The following GPN1 variants were observed in gnomAD, a reference collection of about 807,000 sequenced individuals.
The protein encoded by GPN1 is ATP(GTP)-binding protein.
A neutral mutation model predicts 55.9 loss-of-function variants in GPN1; 44 were observed. That is an observed-to-expected ratio of 0.79 (90% CI 0.62 to 1.01). GPN1 has a LOEUF of 1.01. Among genes scored for constraint, GPN1 ranks in the 50% least tolerant of loss-of-function variants. GPN1 has a pLI of 0.00. For missense variants in GPN1, 466 were observed against 462.8 expected, an observed-to-expected ratio of 1.01 and a Z score of -0.06; for synonymous variants, 179 against 162.5, an observed-to-expected ratio of 1.10 and a Z score of -0.77.
intron 5 of GPN1, among the ~76,000 whole-genome samples, chr2:27,633,574 C>T (rs911081435): frequency 6.6e-6 from 1 of 152,156 alleles, no homozygotes; most frequent in Non-Finnish European, 1.5e-5. Flanking sequence ...ATCCCGGGTT[C>T]AAGCGATTCT....
At chr2:27,628,750 C>G, upstream of GPN1, 1 of 1,546,178 alleles carries the variant, frequency 6.5e-7, no homozygotes, top group Non-Finnish European at 8.7e-7. Context: ...TGAGCCCTGC[C>G]CTCGGGACCC....
At chr2:27,628,355 G>A, upstream of GPN1, 1 of 1,508,992 alleles carries the variant, frequency 6.6e-7, no homozygotes, top group Non-Finnish European at 8.9e-7. Context: ...GACCTTCAGT[G>A]ACTGGAGGGG....
chr2:27,628,989 C>T, upstream of GPN1: 2 of 1,605,914 alleles, frequency 1.2e-6, no homozygotes, highest in Non-Finnish European at 1.7e-6. Context: ...CGTTCGCAGC[C>T]CAGAACATTG....
chr2:27,636,351 G>C (rs1252569150), intron 7 of GPN1, among the ~76,000 whole-genome samples: 10 of 152,108 alleles, frequency 6.6e-5, no homozygotes, highest in Admixed American at 5.9e-4. Context: ...AATTTTGAGG[G>C]TACACAAATG....
intron 7 of GPN1, among the ~76,000 whole-genome samples, chr2:27,635,619 C>T: frequency 6.6e-6 from 1 of 151,954 alleles, no homozygotes; most frequent in Non-Finnish European, 1.5e-5. Context: ...AGTTTGAAAC[C>T]AGGCTGGGGA....
intron 7 of GPN1, among the ~76,000 whole-genome samples, chr2:27,635,505 G>A (rs1017030747): frequency 2.0e-5 from 3 of 152,124 alleles, no homozygotes; most frequent in African/African-American, 7.2e-5. Context: ...TCTGATAGTT[G>A]TTCCCAGTTG....
intron 2 of GPN1, among the ~76,000 whole-genome samples, 155 bp from the exon 3 acceptor site, chr2:27,630,872 T>G (rs1673519971): frequency 6.6e-6 from 1 of 152,214 alleles, no homozygotes; most frequent in African/African-American, 2.4e-5. Flanking sequence ...ATGATTTACT[T>G]GGCATTTATT....
Position 27,629,842 on chromosome 2 carries a change from T to G in GPN1, c.112-17T>G, listed in dbSNP as rs1419399769. ...CCCTCTTTGTCTCCTTCCAACCCTC[T>G]CCCCATATCTCTGCAGAGGCTCACA... On this transcript the variant is annotated splice_polypyrimidine_tract_variant and intron_variant, in intron 1 of 13. Transcript: ENST00000610189. 1 of 1,422,308 alleles carries G rather than the reference T, an allele frequency of 7.0e-7. No homozygotes were observed. The highest frequency in any genetic ancestry group is 2.3e-5 in the East Asian group (1 of 44,096). 88.1% of individuals were successfully genotyped at this position (1,422,308 alleles called of 1,614,324 possible).
chr2:27,635,815 CGA>C (rs144683008), intron 7 of GPN1, among the ~76,000 whole-genome samples: 5 of 151,126 alleles, frequency 3.3e-5, no homozygotes, highest in Admixed American at 6.6e-5. Flanking sequence ...CCTGGGGCAA[CGA>C]GAGAGAGAGA....
chr2:27,650,383 C>G lies in GPN1; in HGVS notation c.*183C>G, dbSNP rs1362146938. The G allele has an allele frequency of 2.2e-6, 1 of 462,646 alleles. No homozygotes were observed. Among genetic ancestry groups the G allele is most frequent in the East Asian group, 3.5e-5 (1 of 28,388 alleles). 28.7% of individuals were successfully genotyped at this position (462,646 alleles called of 1,614,324 possible). On this transcript the variant is annotated 3_prime_UTR_variant, in exon 14 of 14. Coordinates refer to ENST00000610189, the MANE Select transcript of GPN1 (RefSeq NM_007266.4). ...AAGTCAGGGATAGAAGACCCTTGGACCTGGCAGGTTAATGCTGATTATTCC... is the reference window on the plus strand; with the variant it reads ...AAGTCAGGGATAGAAGACCCTTGGAGCTGGCAGGTTAATGCTGATTATTCC...
intron 7 of GPN1, among the ~76,000 whole-genome samples, chr2:27,636,595 GGTGATTCTCCTGCCTCAGCTTCCTGA>G (rs1673741263): frequency 6.6e-6 from 1 of 152,062 alleles, no homozygotes; most frequent in East Asian, 1.9e-4. Flanking sequence ...ACTGGGTTCA[GGTGATTCTCCTGCCTCAGCTTCCTGA>G]GTAGTCACCA....
In GPN1 at chr2:27,638,894, A is replaced by G. The variant is rs553081355; in HGVS notation, c.580A>G (p.Ile194Val). 1 of 1,612,680 alleles carries G rather than the reference A, an allele frequency of 6.2e-7. No individual in the cohort carries two copies. The highest frequency in any genetic ancestry group is 1.7e-5 in the Admixed American group (1 of 59,636). Residue 194 changes from isoleucine (I) to valine (V), a missense_variant, in exon 9 of 14, where the codon ATT (isoleucine) becomes GTT (valine). Ile to Val is a conservative substitution (Grantham distance 29). Coordinates refer to ENST00000610189, the MANE Select transcript of GPN1 (RefSeq NM_007266.4). Reference protein sequence around the residue: ...FIVVMNKTDIIDHSFAVEWMQ... With the variant: ...FIVVMNKTDIVDHSFAVEWMQ... ...CTTCTCTCTGGTACAGACTGACATC[A>G]TTGACCACAGCTTTGCAGTGGAATG...
At chr2:27,635,298 C>CCCTT in intron 7 of GPN1, 64 bp downstream of exon 7, 1 of 445,286 alleles carries the variant, frequency 2.2e-6, no homozygotes, top group Non-Finnish European at 3.6e-6. Flanking sequence ...CTTCTTCTTC[C>CCCTT]TCTTTTTTTT....
intron 13 of GPN1, among the ~76,000 whole-genome samples, chr2:27,649,090 A>G (rs533877106): frequency 6.6e-6 from 1 of 151,956 alleles, no homozygotes; most frequent in East Asian, 2.0e-4. Context: ...CTACAAGTAC[A>G]AAAAATTAGC....
chr2:27,628,393 C>G (rs1330684055), upstream of GPN1: 3 of 1,550,728 alleles, frequency 1.9e-6, no homozygotes, highest in Admixed American at 2.0e-5. Context: ...TACCTACTTG[C>G]ACCTGGAATC....
intron 7 of GPN1, among the ~76,000 whole-genome samples, chr2:27,637,994 A>G (rs1041671774): frequency 6.6e-6 from 1 of 152,264 alleles, no homozygotes; most frequent in Non-Finnish European, 1.5e-5. Context: ...ATATTAAGGC[A>G]TTATTACTTC....
At position 27,643,802 on chromosome 2, in the gene GPN1, G is replaced by A. The variant is rs1011202720; in HGVS notation, c.931+1283G>A. Among the ~76,000 whole-genome samples the A allele has an allele frequency of 5.9e-5, 9 of 152,182 alleles. No homozygotes were observed. The highest frequency in any genetic ancestry group is 1.9e-4 in the East Asian group (1 of 5,206). ...TTCAAGGAATCACATTGGGAGGCAC[G>A]TGATGTTGATTTGTCCCATTACTGG... is the stretch of plus-strand genomic sequence containing the variant. On this transcript the variant is annotated intron_variant, in intron 12 of 13. Coordinates refer to ENST00000610189, the MANE Select transcript of GPN1 (RefSeq NM_007266.4). This position sits in a 1 kb window ranked among gnomAD's most constrained non-coding sequence, Gnocchi z 4.0.
intron 7 of GPN1, among the ~76,000 whole-genome samples, chr2:27,635,596 G>C (rs759217623): frequency 6.6e-6 from 1 of 152,082 alleles, no homozygotes; most frequent in Admixed American, 6.5e-5. Context: ...TGGGAGGATC[G>C]TTTGAGCTTG....
chr2:27,641,168 G>A (rs980799711), intron 10 of GPN1, 72 bp from the exon 11 acceptor site: 20 of 950,326 alleles, frequency 2.1e-5, no homozygotes, highest in Non-Finnish European at 3.2e-5. Flanking sequence ...GGAAAATAGA[G>A]ATAAGGGGAT....
Sources: allele counts gnomAD v4.1 joint callset (sites outside exome capture counted in the v4.1 genomes callset), GRCh38; gene constraint gnomAD v4.1.1; non-coding constraint Gnocchi (gnomAD v3.1); transcripts MANE v1.5; gene names NCBI Gene and HGNC (gene_info 2026-07-23, HGNC 2026-07-21).